Variants in ROR2 observed in about 807,000 individuals in gnomAD.
ROR2 encodes tyrosine-protein kinase transmembrane receptor ROR2.
In ROR2, 33 loss-of-function variants were observed where a neutral mutation model predicts 74.9. The observed-to-expected ratio is 0.44, with a 90% CI of 0.33 to 0.59. The LOEUF (loss-of-function observed/expected upper bound fraction) is 0.59, where lower values mean the gene tolerates loss of function less well. ROR2 is among the 20% of genes least tolerant of loss of function. The pLI is 0.02. For missense variants in ROR2, 1,216 were observed against 1,313.8 expected (o/e 0.93, Z 1.15); for synonymous variants, 586 against 558.7 (o/e 1.05, Z -0.69).
chr9:91,825,680 G>T (rs1407803995), intron 1 of ROR2, among the ~76,000 whole-genome samples: 1 of 152,098 alleles, frequency 6.6e-6, no homozygotes, highest in Non-Finnish European at 1.5e-5. Context: ...GCTCTGAACT[G>T]GTTTGACCAC....
chr9:91,767,499 A>C (rs1178671104), intron 2 of ROR2, among the ~76,000 whole-genome samples: 1 of 152,238 alleles, frequency 6.6e-6, no homozygotes, highest in African/African-American at 2.4e-5. Context: ...AAAACTTTAC[A>C]TATTAGAGAT....
At chr9:91,925,575 A>C (rs1179057863) in intron 1 of ROR2, among the ~76,000 whole-genome samples, 1 of 152,064 alleles carries the variant, frequency 6.6e-6, no homozygotes, top group Non-Finnish European at 1.5e-5. Flanking sequence ...ACCTCCACAC[A>C]AGCCCCAATT....
At chr9:91,812,758 A>G (rs1319866633) in intron 1 of ROR2, among the ~76,000 whole-genome samples, 1 of 152,120 alleles carries the variant, frequency 6.6e-6, no homozygotes, top group Non-Finnish European at 1.5e-5. Context: ...AGGTCTTCAG[A>G]TAATTCCCAC....
At chr9:91,728,549 G>A (rs1439087885) in intron 7 of ROR2, among the ~76,000 whole-genome samples, 2 of 152,138 alleles carry the variant, frequency 1.3e-5, no homozygotes, top group Non-Finnish European at 2.9e-5. Flanking sequence ...TCCTGCCTTA[G>A]CCTCCCGACT....
At chr9:91,910,002 C>T (rs979924548) in intron 1 of ROR2, among the ~76,000 whole-genome samples, 5 of 151,538 alleles carry the variant, frequency 3.3e-5, no homozygotes, top group African/African-American at 1.2e-4. Flanking sequence ...GCTGGGACTA[C>T]AGGCGCCCAC....
rs548044779 is a variant in ROR2, at chr9:91,927,046, AT to A, written c.97+22820del. On this transcript the variant is annotated intron_variant, in intron 1 of 8. Transcript: ENST00000375708. ...ATACCAAAATTTTAAAAAGAAAAAAATAACACGTTTTTTATAAGAAGTGTTA... is the reference window on the plus strand; with the variant it reads ...ATACCAAAATTTTAAAAAGAAAAAAAAACACGTTTTTTATAAGAAGTGTTA... Among the ~76,000 whole-genome samples, 131 of 148,860 alleles carry A rather than the reference AT, an allele frequency of 8.8e-4. 2 individuals are homozygous for A. Among genetic ancestry groups the A allele is most frequent in the East Asian group, 9.8e-4 (5 of 5,102 alleles).
intron 1 of ROR2, among the ~76,000 whole-genome samples, chr9:91,902,488 T>A (rs1014269345): frequency 6.6e-6 from 1 of 151,972 alleles, no homozygotes; most frequent in Non-Finnish European, 1.5e-5. Context: ...CAGTTCCCGA[T>A]GGGGAGCTGG....
At chr9:91,736,479 C>A (rs1825028856) in intron 5 of ROR2, among the ~76,000 whole-genome samples, 1 of 152,192 alleles carries the variant, frequency 6.6e-6, no homozygotes, top group South Asian at 2.1e-4. Context: ...CCCACTGACT[C>A]TAATCTGCAG....
intron 2 of ROR2, among the ~76,000 whole-genome samples, chr9:91,769,171 C>T (rs934713336): frequency 2.0e-5 from 3 of 152,134 alleles, no homozygotes; most frequent in Non-Finnish European, 4.4e-5. Context: ...TCGACAGCTG[C>T]TCCCTCCCCA....
At chr9:91,874,571 G>C (rs1020846966) in intron 1 of ROR2, among the ~76,000 whole-genome samples, 1 of 152,192 alleles carries the variant, frequency 6.6e-6, no homozygotes, top group African/African-American at 2.4e-5. Context: ...ACCTCAGCCT[G>C]CTTCACAGAT....
intron 1 of ROR2, among the ~76,000 whole-genome samples, chr9:91,897,101 A>G (rs1830555593): frequency 6.6e-6 from 1 of 152,266 alleles, no homozygotes; most frequent in Non-Finnish European, 1.5e-5. Context: ...CCGTAAGTGC[A>G]TAGGAAGCAC....
intron 1 of ROR2, among the ~76,000 whole-genome samples, chr9:91,910,022 G>T (rs1830934478): frequency 6.6e-6 from 1 of 151,000 alleles, no homozygotes; most frequent in African/African-American, 2.4e-5. Context: ...CCACCACACT[G>T]AGCTAATTTT....
chr9:91,865,598 T>C (rs1018860317), intron 1 of ROR2, among the ~76,000 whole-genome samples: 3 of 152,244 alleles, frequency 2.0e-5, no homozygotes, highest in African/African-American at 7.2e-5. Flanking sequence ...ATCAGTCCTT[T>C]GTCATTCCTT....
chr9:91,945,452 G>A (rs907589428), intron 1 of ROR2, among the ~76,000 whole-genome samples: 10 of 152,146 alleles, frequency 6.6e-5, no homozygotes, highest in African/African-American at 1.7e-4. Context: ...TGAAGCAGCC[G>A]CCACATTCTC....
At chr9:91,873,142 A>T (rs901602901) in intron 1 of ROR2, among the ~76,000 whole-genome samples, 1 of 152,108 alleles carries the variant, frequency 6.6e-6, no homozygotes, top group Non-Finnish European at 1.5e-5. Context: ...ACACAGTGTC[A>T]ACATTGGTTT....
In ROR2 at chr9:91,757,396, C is replaced by A. The variant is rs1825790645; in HGVS notation, c.339G>T (p.Lys113Asn). The A allele has an allele frequency of 6.2e-7, 1 of 1,613,814 alleles. No individual in the cohort carries two copies. Among genetic ancestry groups the A allele is most frequent in the Admixed American group, 1.7e-5 (1 of 59,970 alleles). The change falls in exon 3 of 9, where the codon AAG becomes AAT. Residue 113 changes from lysine to asparagine, a missense_variant. Transcript: ENST00000375708. Reference sequence around the variant, plus strand: ...TTCGCAGTCGTGAACCATATTCTGTCTTCCGGATGATGATCCGCCGCGGCT... The same window carrying A: ...TTCGCAGTCGTGAACCATATTCTGTATTCCGGATGATGATCCGCCGCGGCT... ...VQEPRRIIIR[K>N]TEYGSRLRIQ...
chr9:91,793,151 G>A (rs1011835307), intron 1 of ROR2, among the ~76,000 whole-genome samples: 3 of 152,082 alleles, frequency 2.0e-5, no homozygotes, highest in South Asian at 2.1e-4. Flanking sequence ...ATATAGACAC[G>A]AAAGTCCAAG....
chr9:91,892,497 A>G (rs1281735965), intron 1 of ROR2, among the ~76,000 whole-genome samples: 1 of 151,756 alleles, frequency 6.6e-6, no homozygotes, highest in Non-Finnish European at 1.5e-5. Context: ...TAAACTATAT[A>G]AAGAGCTTAC....
At chr9:91,771,017 AATTT>A (rs1001144643) in intron 2 of ROR2, among the ~76,000 whole-genome samples, 1 of 152,162 alleles carries the variant, frequency 6.6e-6, no homozygotes, top group Non-Finnish European at 1.5e-5. Flanking sequence ...TTTCCAAGGA[AATTT>A]TAGTTCAGCA....
Sources: gnomAD v4.1 joint callset for allele counts (sites outside exome capture counted in the v4.1 genomes callset) on GRCh38, gnomAD v4.1.1 for gene constraint, MANE v1.5 for transcripts, NCBI Gene and HGNC (gene_info 2026-07-23, HGNC 2026-07-21) for gene names.